DGKG: variants seen among roughly 807,000 people sequenced by gnomAD.
DGKG encodes DAG kinase gamma.
DGKG carries 78 observed loss-of-function variants against 105.3 expected under a neutral mutation model. That is an observed-to-expected ratio of 0.74 (90% CI 0.62 to 0.89). The LOEUF (loss-of-function observed/expected upper bound fraction) is 0.89. DGKG is among the 40% of genes least tolerant of loss of function. DGKG has a pLI of 0.00. For synonymous variants in DGKG, 346 were observed against 367.1 expected (o/e 0.94, Z 0.66); for missense variants, 958 against 1,020.1 (o/e 0.94, Z 0.83).
At chr3:186,290,591 C>T (rs780507009) in intron 5 of DGKG, among the ~76,000 whole-genome samples, 3 of 152,172 alleles carry the variant, frequency 2.0e-5, no homozygotes, top group African/African-American at 7.2e-5. Context: ...GATGAGATGA[C>T]TCCTACAACT....
intron 21 of DGKG, among the ~76,000 whole-genome samples, chr3:186,200,024 G>A (rs1008198318): frequency 2.0e-5 from 3 of 152,058 alleles, no homozygotes; most frequent in South Asian, 2.1e-4. Context: ...CTATGAGATC[G>A]CATTTAGAGT....
At chr3:186,202,294 A>G (rs79858246) in intron 21 of DGKG, among the ~76,000 whole-genome samples, 2,111 of 152,318 alleles carry the variant, frequency 0.014, 22 homozygotes, top group Non-Finnish European at 0.023. Flanking sequence ...TTCTTTAAAG[A>G]TTCAGTTCTT....
intron 1 of DGKG, among the ~76,000 whole-genome samples, chr3:186,355,217 G>A (rs1049907872): frequency 2.7e-5 from 4 of 146,682 alleles, no homozygotes; most frequent in East Asian, 3.9e-4. Flanking sequence ...CACCACTATC[G>A]TCAACTCCCC....
intron 16 of DGKG, among the ~76,000 whole-genome samples, chr3:186,258,531 C>A (rs1721592725): frequency 6.6e-6 from 1 of 152,198 alleles, no homozygotes; most frequent in African/African-American, 2.4e-5. Context: ...TAAGCTCAAA[C>A]TGAAATTAGT....
chr3:186,216,297 C>A (rs1719289568), intron 20 of DGKG, among the ~76,000 whole-genome samples: 1 of 151,966 alleles, frequency 6.6e-6, no homozygotes, highest in African/African-American at 2.4e-5. Context: ...CCCGGCCGAG[C>A]TTATACACTT....
chr3:186,297,832 T>C (rs1394703622), intron 4 of DGKG, among the ~76,000 whole-genome samples: 1 of 112,420 alleles, frequency 8.9e-6, no homozygotes, highest in Non-Finnish European at 1.9e-5. Context: ...CCCATCCTGC[T>C]CTTTGATCCA....
At chr3:186,200,806 C>T (rs756156245) in intron 21 of DGKG, among the ~76,000 whole-genome samples, 20 of 152,340 alleles carry the variant, frequency 1.3e-4, no homozygotes, top group Admixed American at 5.9e-4. Context: ...TCAAGGAATG[C>T]GGCATTGAAG....
At chr3:186,161,179 G>A (rs1716272812) in intron 24 of DGKG, 2 of 993,058 alleles carry the variant, frequency 2.0e-6, no homozygotes, top group Middle Eastern at 5.1e-4. Flanking sequence ...CAAATTCTAG[G>A]TAAGGTAAGT....
In DGKG at chr3:186,226,099, T is replaced by C. The variant is rs1270235649; in HGVS notation, c.1827-14214A>G. Among the ~76,000 whole-genome samples the C allele has an allele frequency of 6.6e-6, 1 of 152,198 alleles. No individual in the cohort carries two copies. Among genetic ancestry groups the C allele is most frequent in the African/African-American group, 2.4e-5 (1 of 41,450 alleles). The stretch of plus-strand genomic sequence containing the variant: ...TCCACAATCATGGAACACTGAGAAA[T>C]GAACTTGACTCTAACTACTAGAAAA... On this transcript the variant is annotated intron_variant, in intron 20 of 24. Coordinates refer to ENST00000265022, the MANE Select transcript of DGKG (RefSeq NM_001346.3). The surrounding 1 kb of genome is among the most constrained non-coding windows in gnomAD (Gnocchi z 4.2).
At chr3:186,212,434 C>CT (rs1719080186) in intron 20 of DGKG, among the ~76,000 whole-genome samples, 1 of 152,186 alleles carries the variant, frequency 6.6e-6, no homozygotes, top group African/African-American at 2.4e-5. Flanking sequence ...TAGATACAGA[C>CT]TTGCAGGCAA....
intron 1 of DGKG, among the ~76,000 whole-genome samples, chr3:186,330,884 G>A (rs1255514079): frequency 6.6e-6 from 1 of 152,200 alleles, no homozygotes; most frequent in East Asian, 1.9e-4. Context: ...TAACATAATT[G>A]TGGAGCAACA....
chr3:186,216,253 GC>G (rs1259140895), intron 20 of DGKG, among the ~76,000 whole-genome samples: 1 of 151,852 alleles, frequency 6.6e-6, no homozygotes, highest in African/African-American at 2.4e-5. Context: ...ATCCACCTTG[GC>G]CTCTCAAAGT....
At chr3:186,228,515 C>T (rs537704178) in intron 20 of DGKG, among the ~76,000 whole-genome samples, 2 of 152,306 alleles carry the variant, frequency 1.3e-5, no homozygotes, top group Admixed American at 6.5e-5. Context: ...GTCCACTCAC[C>T]CACTCCTAGG....
In DGKG at chr3:186,322,814, C is replaced by T. The variant is rs149470952; in HGVS notation, c.-248-2107G>A. ...ACTCCCTTGTGTGTCCCAAACCACC[C>T]CTGATCTGCATCTTCCAGTGTCCCC... On this transcript the variant is annotated intron_variant, in intron 1 of 24. Coordinates refer to ENST00000265022, the MANE Select transcript of DGKG (RefSeq NM_001346.3). Among the ~76,000 whole-genome samples, 601 of 152,314 alleles carry T rather than the reference C, an allele frequency of 3.9e-3. 5 individuals carry two copies. The highest frequency in any genetic ancestry group is 0.013 in the African/African-American group (522 of 41,568).
At chr3:186,192,134 A>T (rs545441219) in intron 21 of DGKG, among the ~76,000 whole-genome samples, 85 of 152,192 alleles carry the variant, frequency 5.6e-4, no homozygotes, top group African/African-American at 1.9e-3. Context: ...TGGACTCCTG[A>T]AGTAGCTGGG....
intron 19 of DGKG, among the ~76,000 whole-genome samples, chr3:186,249,009 C>T (rs947322559): frequency 1.3e-5 from 2 of 152,190 alleles, no homozygotes; most frequent in Admixed American, 6.5e-5. Flanking sequence ...GAAGCCCACG[C>T]TCCAGAACCC....
intron 1 of DGKG, among the ~76,000 whole-genome samples, chr3:186,337,512 A>T (rs1037834491): frequency 6.6e-6 from 1 of 152,214 alleles, no homozygotes; most frequent in African/African-American, 2.4e-5. Flanking sequence ...AGCAAACTTC[A>T]TATTTAAATG....
At chr3:186,277,258 T>C (rs1298642357) in intron 9 of DGKG, among the ~76,000 whole-genome samples, 1 of 152,228 alleles carries the variant, frequency 6.6e-6, no homozygotes, top group Admixed American at 6.5e-5. Flanking sequence ...AAATTCAAAC[T>C]TTCATTAAAT....
rs1715657423 is a variant in DGKG, at chr3:186,149,535, C to T, written c.*555G>A. 1.0e-6 allele frequency: 1 copy of T among 985,512 alleles called. No homozygotes were observed. The highest frequency in any genetic ancestry group is 6.1e-5 in the Admixed American group (1 of 16,290). 61.0% of individuals were successfully genotyped at this position (985,512 alleles called of 1,614,324 possible). A position where few individuals can be genotyped will look rare whatever the true frequency, so the allele number is the denominator to read the frequency against. On this transcript the variant is annotated 3_prime_UTR_variant, in exon 25 of 25. Transcript: ENST00000265022. ...CAGCAGGTTCACGGAGAAGTTGTCA[C>T]TCAAAGGACGACCAAGAAACCAACG... is the stretch of plus-strand genomic sequence containing the variant.
Sources: allele counts gnomAD v4.1 joint callset (sites outside exome capture counted in the v4.1 genomes callset), GRCh38; gene constraint gnomAD v4.1.1; non-coding constraint Gnocchi (gnomAD v3.1); transcripts MANE v1.5; gene names NCBI Gene and HGNC (gene_info 2026-07-23, HGNC 2026-07-21).